The following GPAT3 variants were observed in gnomAD, a reference collection of about 807,000 sequenced individuals.
The protein encoded by GPAT3 is 1-AGP acyltransferase 9.
Under a neutral mutation model 58.8 loss-of-function variants are expected in GPAT3, and 53 were observed. That is an observed-to-expected ratio of 0.90 (90% confidence interval 0.72 to 1.13). GPAT3 has a LOEUF of 1.13. Ranked by LOEUF, GPAT3 falls within the 50% of genes most tolerant of loss-of-function variation. The pLI is 0.00. For missense variants in GPAT3, 511 were observed against 527.6 expected, an observed-to-expected ratio of 0.97 and a Z score of 0.31; for synonymous variants, 197 against 187.4, an observed-to-expected ratio of 1.05 and a Z score of -0.42.
intron 2 of GPAT3, among the ~76,000 whole-genome samples, chr4:83,575,197 A>T (rs1725762436): frequency 6.6e-6 from 1 of 152,006 alleles, no homozygotes; most frequent in Non-Finnish European, 1.5e-5. Context: ...CTTGATGCCA[A>T]AACAAGTATT....
Position 83,587,254 on chromosome 4 carries a change from G to C in GPAT3, c.480-1G>C, listed in dbSNP as rs1358797078. The C allele has an allele frequency of 2.5e-6, 4 of 1,612,878 alleles. No individual in the cohort carries two copies. In the South Asian group the frequency reaches 4.4e-5, roughly 18 times the overall value. On this transcript the variant is annotated splice_acceptor_variant, in intron 3 of 11. Transcript: ENST00000264409. LOFTEE classifies it high-confidence loss of function. ...ATATGGCCCTCTCTTTTCTTTTTCAGGGTTACCTTGGCTTTCATTGGGATC... is the reference window on the plus strand; with the variant it reads ...ATATGGCCCTCTCTTTTCTTTTTCACGGTTACCTTGGCTTTCATTGGGATC...
At position 83,588,681 on chromosome 4, in the gene GPAT3, C is replaced by G. The variant is rs143286596; in HGVS notation, c.644+382C>G. ...AATGGAATCAGGTTTTGAGCCATGT[C>G]TCTCTGATTTTAAAAACAATGAAGT... On this transcript the variant is annotated intron_variant, in intron 5 of 11. Coordinates refer to ENST00000264409, the MANE Select transcript of GPAT3 (RefSeq NM_032717.5). 1.7e-3 allele frequency among the ~76,000 whole-genome samples: 257 copies of G among 152,252 alleles called. 2 individuals carry two copies. In the Middle Eastern group the frequency reaches 0.027, roughly 16 times the overall value.
intron 4 of GPAT3, 97 bp downstream of exon 4, chr4:83,587,426 T>A: frequency 1.1e-6 from 1 of 938,476 alleles, no homozygotes; most frequent in Non-Finnish European, 1.6e-6. Flanking sequence ...TGTATTGCAT[T>A]ATTATTATTA....
intron 2 of GPAT3, among the ~76,000 whole-genome samples, chr4:83,555,190 G>A (rs764445956): frequency 6.6e-6 from 1 of 152,070 alleles, no homozygotes; most frequent in Non-Finnish European, 1.5e-5. Context: ...CTGTCACATA[G>A]GTCCTAAAAC....
At chr4:83,564,632 G>C (rs1312726683) in intron 2 of GPAT3, among the ~76,000 whole-genome samples, 11 of 152,048 alleles carry the variant, frequency 7.2e-5, no homozygotes, top group Admixed American at 7.2e-4. Context: ...TCAGGTGGTT[G>C]TGGCTACAGT....
chr4:83,559,522 C>CT (rs1454785671), intron 2 of GPAT3, among the ~76,000 whole-genome samples: 1 of 152,162 alleles, frequency 6.6e-6, no homozygotes, highest in Non-Finnish European at 1.5e-5. Flanking sequence ...TGGGGTTTCA[C>CT]TGTGTTGCCC....
intron 7 of GPAT3, among the ~76,000 whole-genome samples, 186 bp from the exon 8 acceptor site, chr4:83,596,672 T>A (rs1726851868): frequency 6.6e-6 from 1 of 152,100 alleles, no homozygotes; most frequent in Admixed American, 6.6e-5. Context: ...AGAGAAATTA[T>A]AATGGTGCAG....
intron 5 of GPAT3, among the ~76,000 whole-genome samples, chr4:83,589,553 A>T (rs1280309213): frequency 1.3e-5 from 2 of 152,134 alleles, no homozygotes; most frequent in African/African-American, 2.4e-5. Context: ...AAGTTTGCCA[A>T]CCTCTGCTCT....
At chr4:83,538,425 T>TG (rs1724181006) in intron 1 of GPAT3, among the ~76,000 whole-genome samples, 2 of 152,228 alleles carry the variant, frequency 1.3e-5, no homozygotes, top group Admixed American at 1.3e-4. Flanking sequence ...TGCTTCCTAA[T>TG]GTGAGATCTT....
intron 2 of GPAT3, among the ~76,000 whole-genome samples, chr4:83,574,832 T>C (rs1460701504): frequency 2.7e-5 from 4 of 150,086 alleles, no homozygotes; most frequent in Non-Finnish European, 4.4e-5. Flanking sequence ...TCTATGTATT[T>C]TGAAGACTTT....
intron 2 of GPAT3, among the ~76,000 whole-genome samples, chr4:83,549,711 TTTA>T (rs529043483): frequency 7.0e-6 from 1 of 142,856 alleles, no homozygotes; most frequent in Non-Finnish European, 1.5e-5. Context: ...TTTGTATATA[TTTA>T]TTATTATTAT....
intron 2 of GPAT3, 125 bp downstream of exon 2, chr4:83,544,727 T>G: frequency 1.1e-6 from 1 of 935,328 alleles, no homozygotes; most frequent in Non-Finnish European, 1.6e-6. Context: ...TTCATAATTC[T>G]GTCAGTGTAA....
intron 2 of GPAT3, among the ~76,000 whole-genome samples, chr4:83,562,199 A>ATATATATATT (rs5859879): frequency 5.5e-5 from 2 of 36,044 alleles, no homozygotes; most frequent in African/African-American, 1.7e-4. Flanking sequence ...ATATATATAT[A>ATATATATATT]ATATATATAT....
chr4:83,593,226 A>G (rs2868790), intron 6 of GPAT3, among the ~76,000 whole-genome samples: 145,735 of 145,746 alleles, frequency 1, 72,862 homozygotes, highest in East Asian at 1. Flanking sequence ...GTGCAGTGGT[A>G]TGATCTCGGC....
chr4:83,569,941 A>G (rs1578179037), intron 2 of GPAT3, among the ~76,000 whole-genome samples: 1 of 152,210 alleles, frequency 6.6e-6, no homozygotes, highest in Non-Finnish European at 1.5e-5. Context: ...GGGGCCATAT[A>G]TAGATTTTCT....
rs984078927 is a variant in GPAT3 at position 83,536,132 on chromosome 4, G to A, written c.-491G>A. 3.0e-6 allele frequency: 3 copies of A among 985,830 alleles called. No individual in the cohort carries two copies. The highest frequency in any genetic ancestry group is 3.6e-6 in the Non-Finnish European group (3 of 830,156). The allele number at this position is 985,830 out of a possible 1,614,324, so 61.1% of individuals were successfully genotyped here. On this transcript the variant is annotated 5_prime_UTR_variant, in exon 1 of 12. Transcript: ENST00000264409. ...CAGCTTCCAGCACAGCCCGCGGCCCGGTGCCAGCTCCGCCGGCGACCGGTG... is the reference window on the plus strand; with the variant it reads ...CAGCTTCCAGCACAGCCCGCGGCCCAGTGCCAGCTCCGCCGGCGACCGGTG...
At chr4:83,545,641 G>A (rs961501827) in intron 2 of GPAT3, among the ~76,000 whole-genome samples, 1 of 152,136 alleles carries the variant, frequency 6.6e-6, no homozygotes, top group Non-Finnish European at 1.5e-5. Flanking sequence ...GAGCTTCATG[G>A]TGTATACTTA....
Position 83,598,750 on chromosome 4 carries a change from A to AATTTT in GPAT3, c.1205+27_1205+28insATTTT. 6 of 256,746 alleles carry AATTTT rather than the reference A, an allele frequency of 2.3e-5. 1 individual carries two copies. Among genetic ancestry groups the AATTTT allele is most frequent in the Non-Finnish European group, 3.1e-5 (5 of 160,556 alleles). The allele number at this position is 256,746 out of a possible 1,614,324, so 15.9% of individuals were successfully genotyped here. A position where few individuals can be genotyped will look rare whatever the true frequency, so the allele number is the denominator to read the frequency against. Reference sequence around the variant, plus strand: ...TAAGAGAACTTTCAGAAGTACTATCACTTTTTTTTTTTTTTTTTTTTTTTT... The same window carrying AATTTT: ...TAAGAGAACTTTCAGAAGTACTATCAATTTTCTTTTTTTTTTTTTTTTTTTTTTTT... On this transcript the variant is annotated intron_variant, in intron 11 of 11. Transcript: ENST00000264409.
chr4:83,570,804 C>G (rs1725577077), intron 2 of GPAT3, among the ~76,000 whole-genome samples: 1 of 151,518 alleles, frequency 6.6e-6, no homozygotes, highest in African/African-American at 2.4e-5. Flanking sequence ...TCTTTTTTTT[C>G]TGATTAAAAA....
Sources: allele counts gnomAD v4.1 joint callset (sites outside exome capture counted in the v4.1 genomes callset), GRCh38; gene constraint gnomAD v4.1.1; transcripts MANE v1.5; gene names NCBI Gene and HGNC (gene_info 2026-07-23, HGNC 2026-07-21).